Variants in PRKCE observed in about 807,000 individuals in gnomAD.
PRKCE encodes protein kinase C epsilon type.
In PRKCE, 16 loss-of-function variants were observed where a neutral mutation model predicts 85.4. The ratio of observed to expected loss-of-function variants is 0.19; its 90% CI spans 0.13 to 0.28. The LOEUF is 0.28. Among genes scored for constraint, PRKCE ranks in the 10% least tolerant of loss-of-function variants. PRKCE has a pLI of 1.00. For synonymous variants in PRKCE, 388 were observed against 371.5 expected (o/e 1.04, Z -0.51); for missense variants, 573 against 975.2 (o/e 0.59, Z 5.49).
chr2:45,960,002 C>G (rs772711523), intron 2 of PRKCE, among the ~76,000 whole-genome samples: 1 of 152,210 alleles, frequency 6.6e-6, no homozygotes, highest in African/African-American at 2.4e-5. Flanking sequence ...AAATTGGCCT[C>G]TCCTCTTCCT....
intron 1 of PRKCE, among the ~76,000 whole-genome samples, chr2:45,688,931 A>G (rs956606883): frequency 4.6e-5 from 7 of 152,368 alleles, no homozygotes; most frequent in Admixed American, 2.0e-4. Context: ...CTCATCCACA[A>G]CATAAGAGAC....
At chr2:45,689,697 A>G (rs983716296) in intron 1 of PRKCE, among the ~76,000 whole-genome samples, 8 of 151,936 alleles carry the variant, frequency 5.3e-5, no homozygotes, top group African/African-American at 1.9e-4. Flanking sequence ...GGCATTTGAG[A>G]CCAGCCTGGG....
chr2:46,159,963 A>C lies in PRKCE; in HGVS notation c.2067+211A>C, dbSNP rs1012862621. The C allele has an allele frequency of 5.7e-6, 3 of 526,190 alleles. No individual in the cohort carries two copies. The highest frequency in any genetic ancestry group is 9.7e-6 in the Non-Finnish European group (3 of 309,610). The allele number at this position is 526,190 out of a possible 1,614,324, so 32.6% of individuals were successfully genotyped here. ...ATGTAACCTACTACAGCAGCACCCA[A>C]GATGATGATTTACGTGGGCCACAGA... On this transcript the variant is annotated intron_variant, in intron 14 of 14. Coordinates refer to ENST00000306156, the MANE Select transcript of PRKCE (RefSeq NM_005400.3). This position sits in a 1 kb window ranked among gnomAD's most constrained non-coding sequence, Gnocchi z 4.1.
chr2:45,996,334 C>G (rs1704214566), intron 6 of PRKCE, among the ~76,000 whole-genome samples: 1 of 152,080 alleles, frequency 6.6e-6, no homozygotes, highest in South Asian at 2.1e-4. Flanking sequence ...TTCTTCCTTT[C>G]CAATCAGTAT....
chr2:46,002,847 C>G (rs1042518138), intron 7 of PRKCE, among the ~76,000 whole-genome samples: 1 of 152,222 alleles, frequency 6.6e-6, no homozygotes, highest in Non-Finnish European at 1.5e-5. Flanking sequence ...CTAGAGAGAA[C>G]CCTTTTCAGG....
intron 2 of PRKCE, among the ~76,000 whole-genome samples, chr2:45,955,798 A>T (rs769636939): frequency 2.0e-5 from 2 of 100,028 alleles, no homozygotes; most frequent in Non-Finnish European, 4.3e-5. Flanking sequence ...CCCTCTATTT[A>T]AAAAAAAAAC....
At chr2:45,966,857 G>A (rs546268669) in intron 2 of PRKCE, among the ~76,000 whole-genome samples, 1 of 152,222 alleles carries the variant, frequency 6.6e-6, no homozygotes, top group South Asian at 2.1e-4. Flanking sequence ...ATCGGAGCAG[G>A]TTCTGCAGGG....
chr2:45,734,416 G>C (rs763247256), intron 1 of PRKCE, among the ~76,000 whole-genome samples: 2 of 151,896 alleles, frequency 1.3e-5, no homozygotes, highest in African/African-American at 4.8e-5. Context: ...GTCTATAGTT[G>C]AGCCTGATTT....
chr2:45,797,213 C>T (rs1687508028), intron 1 of PRKCE, among the ~76,000 whole-genome samples: 1 of 152,210 alleles, frequency 6.6e-6, no homozygotes, highest in Admixed American at 6.5e-5. Context: ...ATTCTGGTGA[C>T]ATCACACAGT....
At chr2:46,040,634 A>G (rs1216310729) in intron 10 of PRKCE, among the ~76,000 whole-genome samples, 1 of 152,188 alleles carries the variant, frequency 6.6e-6, no homozygotes, top group Non-Finnish European at 1.5e-5. Context: ...TAGATTGCTA[A>G]CAATCTTGAG....
intron 5 of PRKCE, among the ~76,000 whole-genome samples, chr2:45,983,744 G>A (rs1177730596): frequency 1.3e-5 from 2 of 152,024 alleles, no homozygotes; most frequent in Non-Finnish European, 2.9e-5. Context: ...TGAGACCTTA[G>A]CATTCTTAGT....
intron 2 of PRKCE, among the ~76,000 whole-genome samples, chr2:45,854,448 C>A (rs553063100): frequency 2.6e-5 from 4 of 152,178 alleles, no homozygotes; most frequent in Admixed American, 6.5e-5. Flanking sequence ...CAACTGGCTA[C>A]GCTGAATTAG....
rs1202080147 is a variant in PRKCE at position 46,138,086 on chromosome 2, T to C, written c.1593-7007T>C. ...CTGCTCAGATAGGTTTTATAGAATA[T>C]TTTAAAAGTACATTGTTTAGGGAAT... On this transcript the variant is annotated intron_variant, in intron 11 of 14. Transcript: ENST00000306156. This position sits in a 1 kb window ranked among gnomAD's most constrained non-coding sequence, Gnocchi z 4.2. 2.6e-5 allele frequency among the ~76,000 whole-genome samples: 4 copies of C among 152,242 alleles called. No individual in the cohort carries two copies. In the East Asian group the frequency reaches 7.7e-4, roughly 29 times the overall value.
intron 1 of PRKCE, among the ~76,000 whole-genome samples, chr2:45,711,861 G>T (rs1484541429): frequency 6.6e-6 from 1 of 152,172 alleles, no homozygotes; most frequent in Non-Finnish European, 1.5e-5. Flanking sequence ...CTGACCTCAT[G>T]ATCTGCATGC....
intron 10 of PRKCE, among the ~76,000 whole-genome samples, chr2:46,020,295 A>C (rs1259193421): frequency 3.3e-5 from 5 of 152,198 alleles, no homozygotes; most frequent in Non-Finnish European, 7.3e-5. Flanking sequence ...GTGCAGCTCC[A>C]TGTCCGACTG....
chr2:45,949,031 T>G (rs141756808), intron 2 of PRKCE, among the ~76,000 whole-genome samples: 174 of 152,314 alleles, frequency 1.1e-3, no homozygotes, highest in African/African-American at 4.1e-3. Flanking sequence ...TTGTTTTCAG[T>G]TTTTTATGAC....
chr2:45,825,167 C>T (rs1350726931), intron 1 of PRKCE, among the ~76,000 whole-genome samples: 1 of 152,258 alleles, frequency 6.6e-6, no homozygotes, highest in Admixed American at 6.5e-5. Context: ...GGCCTTGGTT[C>T]TAATCCTCTT....
chr2:45,876,231 C>G (rs1433725596), intron 2 of PRKCE, among the ~76,000 whole-genome samples: 1 of 152,154 alleles, frequency 6.6e-6, no homozygotes, highest in East Asian at 1.9e-4. Flanking sequence ...AAATCACTTC[C>G]TAGTGTAAAA....
At chr2:45,710,823 C>G (rs1469823266) in intron 1 of PRKCE, among the ~76,000 whole-genome samples, 1 of 152,218 alleles carries the variant, frequency 6.6e-6, no homozygotes. Context: ...AGACCCTCAC[C>G]CCTAAAGGAT....
Sources: allele counts gnomAD v4.1 joint callset (sites outside exome capture counted in the v4.1 genomes callset), GRCh38; gene constraint gnomAD v4.1.1; non-coding constraint Gnocchi (gnomAD v3.1); transcripts MANE v1.5; gene names NCBI Gene and HGNC (gene_info 2026-07-23, HGNC 2026-07-21).